The following PCDHA2 variants were observed in gnomAD, a reference collection of about 807,000 sequenced individuals.
PCDHA2 encodes the protein protocadherin alpha 2, also known as protocadherin alpha-2.
In PCDHA2, 58 loss-of-function variants were observed where a neutral mutation model predicts 66.0. That is an observed-to-expected ratio of 0.88 (90% CI 0.71 to 1.09). The LOEUF (loss-of-function observed/expected upper bound fraction) is 1.09, where lower values mean the gene tolerates loss of function less well. Among genes scored for constraint, PCDHA2 ranks in the 50% least tolerant of loss-of-function variants. The probability of loss-of-function intolerance (pLI) is 0.00; values close to 1 mark genes in which losing one functional copy is unlikely to be tolerated. For missense variants in PCDHA2, 1,267 were observed against 1,242.3 expected (o/e 1.02, Z -0.30); for synonymous variants, 634 against 554.0 (o/e 1.14, Z -2.03).
intron 1 of PCDHA2, among the ~76,000 whole-genome samples, chr5:140,897,709 T>C (rs1471075981): frequency 6.6e-6 from 1 of 152,212 alleles, no homozygotes; most frequent in Non-Finnish European, 1.5e-5. Context: ...TACCCAGTAA[T>C]GGGATGGCTG....
intron 1 of PCDHA2, among the ~76,000 whole-genome samples, chr5:140,973,426 C>T (rs1554235288): frequency 6.6e-6 from 1 of 152,192 alleles, no homozygotes; most frequent in East Asian, 1.9e-4. Flanking sequence ...GTTTTTCATC[C>T]TCTGATGGTC....
At chr5:140,875,772 G>A (rs781933974) in intron 1 of PCDHA2, 37 of 1,614,136 alleles carry the variant, frequency 2.3e-5, no homozygotes, top group South Asian at 3.3e-5. Flanking sequence ...GGCGGAGCGC[G>A]GAGTGCAGTA....
At chr5:140,987,560 G>A (rs2097259227) in intron 3 of PCDHA2, among the ~76,000 whole-genome samples, 36 of 152,130 alleles carry the variant, frequency 2.4e-4, no homozygotes, top group Admixed American at 2.4e-3. Flanking sequence ...CTGATTCTCA[G>A]TTTCTTTCTC....
At chr5:140,830,447 G>GCGGAGAAT in intron 1 of PCDHA2, 1 of 1,601,744 alleles carries the variant, frequency 6.2e-7, no homozygotes, top group Middle Eastern at 1.7e-4. Flanking sequence ...GATGGGTAAG[G>GCGGAGAAT]CGGAGAATCA....
intron 1 of PCDHA2, chr5:140,813,585 A>G (rs1270659713): frequency 6.6e-6 from 1 of 152,254 alleles, no homozygotes; most frequent in Non-Finnish European, 1.5e-5. Context: ...CTGGAAATTT[A>G]TCTGCATGAG....
chr5:140,900,312 T>C (rs902600593), intron 1 of PCDHA2, among the ~76,000 whole-genome samples: 1 of 151,284 alleles, frequency 6.6e-6, no homozygotes, highest in African/African-American at 2.4e-5. Flanking sequence ...AGTCTCACTT[T>C]TGTCGCCCAG....
intron 1 of PCDHA2, chr5:140,968,002 G>A: frequency 6.2e-7 from 1 of 1,614,208 alleles, no homozygotes; most frequent in South Asian, 1.1e-5. Flanking sequence ...CTTTCCGACT[G>A]AATGGCTTTG....
At chr5:140,903,321 T>A (rs2070191003) in intron 1 of PCDHA2, among the ~76,000 whole-genome samples, 1 of 152,174 alleles carries the variant, frequency 6.6e-6, no homozygotes, top group Non-Finnish European at 1.5e-5. Flanking sequence ...GACAGCATTT[T>A]TATTGAGGAA....
chr5:140,869,264 T>C (rs782308224), intron 1 of PCDHA2: 1 of 1,613,438 alleles, frequency 6.2e-7, no homozygotes, highest in South Asian at 1.1e-5. Context: ...GACCTGGGGC[T>C]GGAGCTGGCG....
intron 1 of PCDHA2, chr5:140,928,055 C>T (rs1554205406): frequency 8.1e-6 from 13 of 1,614,066 alleles, no homozygotes; most frequent in South Asian, 3.3e-5. Context: ...TTTCAGCTGA[C>T]GGCTTCCTTT....
At chr5:140,831,202 A>C (rs2150192428) in intron 1 of PCDHA2, 1 of 152,360 alleles carries the variant, frequency 6.6e-6, no homozygotes, top group East Asian at 1.9e-4. Context: ...CTTGTGATCA[A>C]GTAAATTTAT....
chr5:140,941,256 T>TTTC (rs2092982969), intron 1 of PCDHA2, among the ~76,000 whole-genome samples: 1 of 45,974 alleles, frequency 2.2e-5, no homozygotes, highest in African/African-American at 7.5e-5. Flanking sequence ...TCTTTCTTTC[T>TTTC]CTTTCTTTCT....
chr5:140,857,458 C>A (rs782648266), intron 1 of PCDHA2: 1 of 1,598,670 alleles, frequency 6.3e-7, no homozygotes, highest in South Asian at 1.1e-5. Flanking sequence ...ACCCGCCAGG[C>A]TGCCACATCT....
intron 1 of PCDHA2, chr5:140,836,158 C>A (rs1774252589): frequency 6.2e-7 from 1 of 1,613,784 alleles, no homozygotes; most frequent in African/African-American, 1.3e-5. Flanking sequence ...CATGTGGTGG[C>A]GAAGGTACGT....
At chr5:140,861,758 T>C (rs1469300232) in intron 1 of PCDHA2, 1 of 93,472 alleles carries the variant, frequency 1.1e-5, no homozygotes, top group African/African-American at 4.7e-5. Context: ...TGATTATTTT[T>C]CCCTGGAAAT....
chr5:140,807,526 G>T, intron 1 of PCDHA2: 1 of 1,614,130 alleles, frequency 6.2e-7, no homozygotes, highest in South Asian at 1.1e-5. Flanking sequence ...TAGACAGGCC[G>T]CTGCAGGTTT....
At chr5:140,985,740 T>TG (rs1554247304) in intron 3 of PCDHA2, among the ~76,000 whole-genome samples, 2 of 53,688 alleles carry the variant, frequency 3.7e-5, no homozygotes, top group Admixed American at 1.9e-4. Flanking sequence ...GATGAATTCC[T>TG]TTTTTTTTTT....
chr5:140,920,703 G>A (rs1435351032), intron 1 of PCDHA2, among the ~76,000 whole-genome samples: 1 of 152,060 alleles, frequency 6.6e-6, no homozygotes, highest in Non-Finnish European at 1.5e-5. Context: ...CATTAGCTTG[G>A]CATGGTGGTG....
At chr5:140,856,185 G>T (rs1554148335) in intron 1 of PCDHA2, 1 of 1,598,044 alleles carries the variant, frequency 6.3e-7, no homozygotes, top group Non-Finnish European at 8.6e-7. Context: ...TTCGTGGGCC[G>T]CATCGCGCAG....
Sources: allele counts gnomAD v4.1 joint callset (sites outside exome capture counted in the v4.1 genomes callset), GRCh38; gene constraint gnomAD v4.1.1; transcripts MANE v1.5; gene names NCBI Gene and HGNC (gene_info 2026-07-23, HGNC 2026-07-21).